The following EPC1 variants were observed in gnomAD, a reference collection of about 807,000 sequenced individuals.
EPC1 encodes the protein enhancer of polycomb 1.
Under a neutral mutation model 98.4 loss-of-function variants are expected in EPC1, and 12 were observed. The observed-to-expected ratio is 0.12, with a 90% CI of 0.08 to 0.20. The LOEUF is 0.20. Ranked by LOEUF, EPC1 falls within the 10% of genes least tolerant of loss-of-function variation. The probability of loss-of-function intolerance (pLI) is 1.00; values close to 1 mark genes in which losing one functional copy is unlikely to be tolerated. For synonymous variants in EPC1, 357 were observed against 363.9 expected (o/e 0.98, Z 0.21); for missense variants, 729 against 990.5 (o/e 0.74, Z 3.54).
At chr10:32,278,777 G>C (rs1260819974) in intron 10 of EPC1, among the ~76,000 whole-genome samples, 1 of 152,146 alleles carries the variant, frequency 6.6e-6, no homozygotes, top group African/African-American at 2.4e-5. Context: ...CCTAATTAGT[G>C]AGATTGAGTT....
chr10:32,354,925 C>T (rs555629439), intron 1 of EPC1, among the ~76,000 whole-genome samples: 8 of 152,152 alleles, frequency 5.3e-5, no homozygotes, highest in Non-Finnish European at 1.2e-4. Context: ...ATCACTGTCC[C>T]CACATAGGAC....
chr10:32,331,476 G>A (rs1460018208), intron 1 of EPC1, among the ~76,000 whole-genome samples: 1 of 151,566 alleles, frequency 6.6e-6, no homozygotes, highest in Non-Finnish European at 1.5e-5. Flanking sequence ...AGTTTATAGA[G>A]TAAAATAACT....
At chr10:32,350,719 T>G (rs1159154711), upstream of EPC1, among the ~76,000 whole-genome samples, 2 of 152,230 alleles carry the variant, frequency 1.3e-5, no homozygotes, top group African/African-American at 4.8e-5. Context: ...GAAATGTGAT[T>G]TCTGTTCCAA....
At chr10:32,365,743 CG>C (rs1220962038) in intron 1 of EPC1, among the ~76,000 whole-genome samples, 33 of 141,918 alleles carry the variant, frequency 2.3e-4, no homozygotes, top group Admixed American at 3.7e-4. Flanking sequence ...CGCTTGAACC[CG>C]GGAGGCAGAG....
intron 1 of EPC1, among the ~76,000 whole-genome samples, chr10:32,352,713 C>T (rs1021284864): frequency 1.2e-4 from 19 of 152,168 alleles, no homozygotes; most frequent in African/African-American, 4.3e-4. Flanking sequence ...TTATGGAACA[C>T]CTAGTATGTA....
intron 1 of EPC1, among the ~76,000 whole-genome samples, chr10:32,323,939 T>C (rs1238205313): frequency 5.3e-5 from 8 of 152,124 alleles, no homozygotes; most frequent in African/African-American, 1.4e-4. Flanking sequence ...TAGTTTATTT[T>C]ATTTTTATTT....
chr10:32,349,319 A>T (rs1839042006), upstream of EPC1, among the ~76,000 whole-genome samples: 1 of 152,244 alleles, frequency 6.6e-6, no homozygotes, highest in South Asian at 2.1e-4. Context: ...CACATCCTAC[A>T]TTAGTAATAA....
chr10:32,293,231 C>T lies in EPC1; in HGVS notation c.460-37G>A, dbSNP rs759207163. ...ACCATTATGTCATTTTCATACAATA[C>T]ACATACAAGGTTCATAAGTATTTAC... On this transcript the variant is annotated intron_variant, in intron 3 of 13. Transcript: ENST00000319778. 7 of 1,448,592 alleles carry T rather than the reference C, an allele frequency of 4.8e-6. No individual in the cohort carries two copies. In the Admixed American group the frequency reaches 7.0e-5, roughly 14 times the overall value. 89.7% of individuals were successfully genotyped at this position (1,448,592 alleles called of 1,614,324 possible).
At chr10:32,338,752 T>C (rs932137142) in intron 1 of EPC1, among the ~76,000 whole-genome samples, 1 of 152,020 alleles carries the variant, frequency 6.6e-6, no homozygotes, top group African/African-American at 2.4e-5. Context: ...TCCTTCTCCT[T>C]CTAACTAAAA....
intron 1 of EPC1, among the ~76,000 whole-genome samples, chr10:32,308,334 G>A (rs751824764): frequency 2.9e-4 from 44 of 151,862 alleles, no homozygotes; most frequent in Admixed American, 4.6e-4. Context: ...AGGTTTCAGT[G>A]AGCCGAGACT....
chr10:32,357,369 C>T (rs1472068591), intron 1 of EPC1, among the ~76,000 whole-genome samples: 1 of 152,176 alleles, frequency 6.6e-6, no homozygotes, highest in South Asian at 2.1e-4. Flanking sequence ...TATATTGGAA[C>T]GAGATAATAT....
chr10:32,315,711 G>C (rs1026620277), intron 1 of EPC1, among the ~76,000 whole-genome samples: 5 of 152,152 alleles, frequency 3.3e-5, no homozygotes, highest in African/African-American at 9.7e-5. Flanking sequence ...TAACTCTATG[G>C]AGGAACACTG....
At chr10:32,359,426 C>G (rs748267667) in intron 1 of EPC1, among the ~76,000 whole-genome samples, 8 of 152,094 alleles carry the variant, frequency 5.3e-5, no homozygotes, top group Admixed American at 4.6e-4. Flanking sequence ...AAAAATTTCT[C>G]TAGTAAAATG....
At chr10:32,363,243 T>G (rs1303067898) in intron 1 of EPC1, among the ~76,000 whole-genome samples, 2 of 152,260 alleles carry the variant, frequency 1.3e-5, no homozygotes, top group Admixed American at 6.5e-5. Flanking sequence ...CTGGCTAATC[T>G]TTATATTTTT....
At chr10:32,274,255 C>T in intron 10 of EPC1, among the ~76,000 whole-genome samples, 1 of 152,046 alleles carries the variant, frequency 6.6e-6, no homozygotes, top group Non-Finnish European at 1.5e-5. Flanking sequence ...GCATCCCTGG[C>T]TACCAGGGAA....
intron 1 of EPC1, among the ~76,000 whole-genome samples, chr10:32,356,451 CTGGGGAA>C (rs1456031870): frequency 5.9e-5 from 9 of 152,020 alleles, no homozygotes; most frequent in Non-Finnish European, 7.4e-5. Context: ...GAATGGAGCC[CTGGGGAA>C]TACCAACATC....
At chr10:32,281,871 A>G (rs1836426974) in intron 10 of EPC1, 1 of 151,968 alleles carries the variant, frequency 6.6e-6, no homozygotes, top group Non-Finnish European at 1.5e-5. Context: ...AGGTTTCGCC[A>G]TATTAGCCAG....
At chr10:32,366,082 G>A (rs371141154) in intron 1 of EPC1, among the ~76,000 whole-genome samples, 16 of 152,208 alleles carry the variant, frequency 1.1e-4, no homozygotes, top group African/African-American at 3.4e-4. Context: ...GCAGTGAGCC[G>A]AGACCATGCC....
intron 1 of EPC1, chr10:32,345,112 T>A: frequency 1.0e-6 from 1 of 961,766 alleles, no homozygotes; most frequent in Non-Finnish European, 1.2e-6. Flanking sequence ...GACAAGATTC[T>A]GCAGTCACAA....
Sources: allele counts gnomAD v4.1 joint callset (sites outside exome capture counted in the v4.1 genomes callset), GRCh38; gene constraint gnomAD v4.1.1; transcripts MANE v1.5; gene names NCBI Gene and HGNC (gene_info 2026-07-23, HGNC 2026-07-21).